The following CACNA1C variants were observed in gnomAD, a reference collection of about 807,000 sequenced individuals.
The protein encoded by CACNA1C is calcium voltage-gated channel subunit alpha1 C.
Under a neutral mutation model 229.0 loss-of-function variants are expected in CACNA1C, and 30 were observed. The observed-to-expected ratio is 0.13, with a 90% CI of 0.10 to 0.18. The LOEUF (loss-of-function observed/expected upper bound fraction) is 0.18, where lower values mean the gene tolerates loss of function less well. Among genes scored for constraint, CACNA1C ranks in the 10% least tolerant of loss-of-function variants. The pLI, the probability that CACNA1C is intolerant of heterozygous loss-of-function variation, is 1.00. For missense variants in CACNA1C, 1,658 were observed against 2,845.0 expected, an observed-to-expected ratio of 0.58 and a Z score of 9.49; for synonymous variants, 1,114 against 1,132.5, an observed-to-expected ratio of 0.98 and a Z score of 0.33.
intron 29 of CACNA1C, among the ~76,000 whole-genome samples, chr12:2,631,786 C>T (rs1324389184): frequency 1.3e-5 from 2 of 152,176 alleles, no homozygotes; most frequent in African/African-American, 4.8e-5. Flanking sequence ...TCCGGGGTGG[C>T]GTTTCTGTTT....
chr12:2,269,551 G>A (rs2083903172), intron 3 of CACNA1C, among the ~76,000 whole-genome samples: 1 of 152,206 alleles, frequency 6.6e-6, no homozygotes, highest in South Asian at 2.1e-4. Flanking sequence ...CTTAGGACAG[G>A]TTTGGGTACA....
At chr12:2,623,955 G>A (rs982743911) in intron 29 of CACNA1C, among the ~76,000 whole-genome samples, 4 of 152,220 alleles carry the variant, frequency 2.6e-5, no homozygotes, top group Admixed American at 2.0e-4. Context: ...GCCGTGCTCA[G>A]CAGGACTTAG....
upstream of CACNA1C, among the ~76,000 whole-genome samples, chr12:2,052,736 G>T (rs2052591506): frequency 6.9e-6 from 1 of 145,900 alleles, no homozygotes; most frequent in African/African-American, 2.5e-5. Flanking sequence ...ACGTCATGCG[G>T]GCGGAGGGCT....
In CACNA1C at chr12:2,122,507, A is replaced by G. The variant is rs1204673816; in HGVS notation, c.477+2077A>G. On this transcript the variant is annotated intron_variant, in intron 3 of 46. Coordinates refer to ENST00000399655, the MANE Select transcript of CACNA1C (RefSeq NM_000719.7). The stretch of plus-strand genomic sequence containing the variant: ...AGAACACGATTCTGCCCCATGGAGA[A>G]ACCCATCGCGAGTGCTGTGACCCGG... Among the ~76,000 whole-genome samples the G allele has an allele frequency of 5.9e-5, 9 of 152,264 alleles. No individual in the cohort carries two copies. In the East Asian group the frequency reaches 1.4e-3, roughly 23 times the overall value.
Position 2,597,528 on chromosome 12 carries a change from G to T in CACNA1C, c.2853+239G>T. 1 of 1,344,512 alleles carries T rather than the reference G, an allele frequency of 7.4e-7. No individual in the cohort carries two copies. 83.3% of individuals were successfully genotyped at this position (1,344,512 alleles called of 1,614,324 possible). A position where few individuals can be genotyped will look rare whatever the true frequency, so the allele number is the denominator to read the frequency against. Reference sequence around the variant, plus strand: ...CAACCTGGGCAATGCATCCTCTGTCGCTTTCTTTGTCTATCTCTGCTCTGT... The same window carrying T: ...CAACCTGGGCAATGCATCCTCTGTCTCTTTCTTTGTCTATCTCTGCTCTGT... On this transcript the variant is annotated intron_variant, in intron 21 of 46. Transcript: ENST00000399655. This position sits in a 1 kb window ranked among gnomAD's most constrained non-coding sequence, Gnocchi z 4.3.
At chr12:1,990,978 A>G in intron 1 of CACNA1C, 1 of 372,068 alleles carries the variant, frequency 2.7e-6, no homozygotes, top group Non-Finnish European at 5.1e-6. Flanking sequence ...TATCAGATAG[A>G]AAGGACAAAA....
chr12:2,468,965 C>G (rs893409843), intron 5 of CACNA1C, among the ~76,000 whole-genome samples: 1 of 152,236 alleles, frequency 6.6e-6, no homozygotes, highest in African/African-American at 2.4e-5. Context: ...TTTCAGTCAG[C>G]TGACTTCTTG....
chr12:2,232,131 T>A (rs1258891630), intron 3 of CACNA1C, among the ~76,000 whole-genome samples: 6 of 152,112 alleles, frequency 3.9e-5, no homozygotes, highest in African/African-American at 1.2e-4. Context: ...TCAGTCCTTT[T>A]TTTCTGGTGC....
intron 21 of CACNA1C, among the ~76,000 whole-genome samples, chr12:2,600,590 G>A (rs1412929009): frequency 6.6e-6 from 1 of 152,178 alleles, no homozygotes; most frequent in South Asian, 2.1e-4. Flanking sequence ...ATAACCACTG[G>A]CCCTTACGCA....
At chr12:2,395,678 A>G (rs1223505962) in intron 3 of CACNA1C, among the ~76,000 whole-genome samples, 2 of 152,174 alleles carry the variant, frequency 1.3e-5, no homozygotes, top group African/African-American at 2.4e-5. Context: ...TTTCCAGGCT[A>G]GAGCTGTTTC....
At chr12:2,019,455 G>A (rs1405884535) in intron 1 of CACNA1C, among the ~76,000 whole-genome samples, 1 of 129,940 alleles carries the variant, frequency 7.7e-6, no homozygotes, top group East Asian at 2.7e-4. Flanking sequence ...GCAAGACCCT[G>A]TATCTAAAAT....
At chr12:2,166,015 A>G (rs1035424605) in intron 3 of CACNA1C, among the ~76,000 whole-genome samples, 16 of 152,226 alleles carry the variant, frequency 1.1e-4, no homozygotes, top group African/African-American at 3.9e-4. Context: ...TAGTGAAGAA[A>G]TAGCTTTTGA....
Position 2,354,232 on chromosome 12 carries a change from C to G in CACNA1C, c.478-94744C>G, listed in dbSNP as rs1047741160. On this transcript the variant is annotated intron_variant, in intron 3 of 46. Coordinates refer to ENST00000399655, the MANE Select transcript of CACNA1C (RefSeq NM_000719.7). The surrounding 1 kb of genome is among the most constrained non-coding windows in gnomAD (Gnocchi z 4.6). ...GCACAGTTAGGCTGCCCGAGTCCCT[C>G]TGTCCTCGCACCCTCACCTGGCTCT... Among the ~76,000 whole-genome samples, 5 of 152,184 alleles carry G rather than the reference C, an allele frequency of 3.3e-5. No homozygotes were observed. The highest frequency in any genetic ancestry group is 1.5e-5 in the Non-Finnish European group (1 of 68,032).
intron 3 of CACNA1C, among the ~76,000 whole-genome samples, chr12:2,180,494 A>C (rs2096801898): frequency 6.6e-6 from 1 of 152,214 alleles, no homozygotes; most frequent in East Asian, 1.9e-4. Context: ...GCAGAGGCTA[A>C]AGGATCTTCT....
intron 3 of CACNA1C, among the ~76,000 whole-genome samples, chr12:2,282,581 C>T (rs935648988): frequency 4.6e-5 from 7 of 152,210 alleles, no homozygotes; most frequent in Non-Finnish European, 1.5e-5. Context: ...CTCCTTCCCT[C>T]ACAGCTCATG....
At position 2,004,140 on chromosome 12, in the gene CACNA1C, A is replaced by G. The variant is rs968054421; in HGVS notation, c.139+32939A>G. On this transcript the variant is annotated intron_variant, in intron 1 of 46. Coordinates refer to the CACNA1C transcript ENST00000682462. The stretch of plus-strand genomic sequence containing the variant: ...AAACCCCCGAGACCCCATCTCCACA[A>G]CTTCGGCCTCAGTCCCCAGATCCAC... The G allele has an allele frequency of 3.3e-6, 4 of 1,221,522 alleles. No individual in the cohort carries two copies. The African/African-American group carries it at 6.1e-5, about 19-fold the overall frequency. 75.7% of individuals were successfully genotyped at this position (1,221,522 alleles called of 1,614,324 possible).
intron 29 of CACNA1C, among the ~76,000 whole-genome samples, chr12:2,624,131 G>T (rs1228017993): frequency 6.6e-6 from 1 of 152,190 alleles, no homozygotes; most frequent in African/African-American, 2.4e-5. Flanking sequence ...TTGTTTGGGG[G>T]TTTGTTTTGT....
At position 2,095,609 on chromosome 12, in the gene CACNA1C, A is replaced by C. The variant is rs78703325; in HGVS notation, c.50-19615A>C. 9.5e-3 allele frequency among the ~76,000 whole-genome samples: 1,450 copies of C among 152,336 alleles called. 28 individuals are homozygous for C. The highest frequency in any genetic ancestry group is 0.033 in the African/African-American group (1,379 of 41,574). On this transcript the variant is annotated intron_variant, in intron 1 of 46. Transcript: ENST00000399655. ...GAGTCAGGCCATCCAGTGTTTCGCC[A>C]GTCCTTCAAGGACCCTGGAGGAGAA...
rs552779244 is a variant in CACNA1C, at chr12:2,472,933, A to C, written c.758-13171A>C. ...CCCAAACCCCTCAACCTCCACATTT[A>C]ATTTTCCCCTCCTGATGTTGTCAGG... On this transcript the variant is annotated intron_variant, in intron 5 of 46. Coordinates refer to ENST00000399655, the MANE Select transcript of CACNA1C (RefSeq NM_000719.7). Among the ~76,000 whole-genome samples the C allele has an allele frequency of 2.0e-5, 3 of 152,194 alleles. No individual in the cohort carries two copies. The South Asian group carries it at 6.2e-4, about 32-fold the overall frequency.
Sources: allele counts gnomAD v4.1 joint callset (sites outside exome capture counted in the v4.1 genomes callset), GRCh38; gene constraint gnomAD v4.1.1; non-coding constraint Gnocchi (gnomAD v3.1); transcripts MANE v1.5; gene names NCBI Gene and HGNC (gene_info 2026-07-23, HGNC 2026-07-21).